Variants in FBXL17 observed in about 807,000 individuals in gnomAD.
FBXL17 encodes F-box and leucine rich repeat protein 17.
In FBXL17, 22 loss-of-function variants were observed where a neutral mutation model predicts 66.2. The observed-to-expected ratio is 0.33, with a 90% confidence interval of 0.24 to 0.47. FBXL17 has a LOEUF of 0.47. Ranked by LOEUF, FBXL17 falls within the 20% of genes least tolerant of loss-of-function variation. The probability of loss-of-function intolerance (pLI) is 1.00; values close to 1 mark genes in which losing one functional copy is unlikely to be tolerated. For synonymous variants in FBXL17, 474 were observed against 400.5 expected (o/e 1.18, Z -2.19); for missense variants, 878 against 948.2 (o/e 0.93, Z 0.97).
chr5:108,143,491 G>C (rs1190848877), intron 6 of FBXL17, among the ~76,000 whole-genome samples: 2 of 151,960 alleles, frequency 1.3e-5, no homozygotes, highest in Admixed American at 6.6e-5. Context: ...CAGATGTTTG[G>C]TCACAATGGA....
intron 6 of FBXL17, among the ~76,000 whole-genome samples, chr5:108,115,236 T>C (rs1750196682): frequency 6.6e-6 from 1 of 151,940 alleles, no homozygotes; most frequent in Admixed American, 6.6e-5. Flanking sequence ...ATGTTCAAAC[T>C]AGGAGGAAAA....
At position 108,078,050 on chromosome 5, in the gene FBXL17, A is replaced by G. The variant is rs571979111; in HGVS notation, c.1746-57049T>C. Among the ~76,000 whole-genome samples the G allele has an allele frequency of 2.6e-5, 4 of 152,318 alleles. 1 individual carries two copies. The highest frequency in any genetic ancestry group is 7.2e-5 in the African/African-American group (3 of 41,570). On this transcript the variant is annotated intron_variant, in intron 6 of 8. Transcript: ENST00000542267. ...AAAATACCTCAGAGGCGCTAGAAAA[A>G]CTAGTCTATAGACTACTCCAGACAT... is the stretch of plus-strand genomic sequence containing the variant.
At chr5:108,343,233 C>A (rs943461858) in intron 4 of FBXL17, among the ~76,000 whole-genome samples, 1 of 152,140 alleles carries the variant, frequency 6.6e-6, no homozygotes, top group Non-Finnish European at 1.5e-5. Context: ...TGGACAAAGA[C>A]AACAATAAGA....
intron 7 of FBXL17, among the ~76,000 whole-genome samples, chr5:107,895,248 C>T (rs1749336834): frequency 6.6e-6 from 1 of 151,840 alleles, no homozygotes; most frequent in Non-Finnish European, 1.5e-5. Context: ...TCCCTAAGTT[C>T]TTGTATGCTT....
chr5:107,859,178 CAT>C lies in FBXL17; in HGVS notation c.*2540_*2541del, dbSNP rs1426118102. The C allele has an allele frequency of 1.3e-5, 2 of 152,130 alleles. No individual in the cohort carries two copies. Among genetic ancestry groups the C allele is most frequent in the African/African-American group, 2.4e-5 (1 of 41,436 alleles). 9.4% of individuals were successfully genotyped at this position (152,130 alleles called of 1,614,324 possible). ...AATTTTCCACTACAGCAATATATTT[CAT>C]AGTCTTTATTCTGAAAATACTGTTG... is the stretch of plus-strand genomic sequence containing the variant. On this transcript the variant is annotated 3_prime_UTR_variant, in exon 9 of 9. Coordinates refer to ENST00000542267, the MANE Select transcript of FBXL17 (RefSeq NM_001163315.3).
intron 6 of FBXL17, among the ~76,000 whole-genome samples, chr5:108,118,521 A>C (rs770539186): frequency 6.6e-6 from 1 of 151,810 alleles, no homozygotes; most frequent in Non-Finnish European, 1.5e-5. Context: ...TTTCCTTTCC[A>C]TTTTGGTTTT....
chr5:108,014,708 G>T (rs541095146), intron 7 of FBXL17, among the ~76,000 whole-genome samples: 1 of 152,292 alleles, frequency 6.6e-6, no homozygotes, highest in South Asian at 2.1e-4. Flanking sequence ...CAAATTTTGG[G>T]TGAAAAATCA....
chr5:108,272,096 C>T (rs1291721232), intron 4 of FBXL17, among the ~76,000 whole-genome samples: 1 of 152,064 alleles, frequency 6.6e-6, no homozygotes, highest in Non-Finnish European at 1.5e-5. Flanking sequence ...CGAGACCATC[C>T]TGGCTAACAC....
intron 4 of FBXL17, among the ~76,000 whole-genome samples, chr5:108,309,044 G>A (rs943524401): frequency 6.6e-6 from 1 of 151,916 alleles, no homozygotes; most frequent in Non-Finnish European, 1.5e-5. Context: ...AGGCAATAGA[G>A]AATTATTACA....
At chr5:107,899,869 G>A (rs1217556193) in intron 7 of FBXL17, among the ~76,000 whole-genome samples, 2 of 152,108 alleles carry the variant, frequency 1.3e-5, no homozygotes, top group Non-Finnish European at 2.9e-5. Flanking sequence ...CTATTCAGGT[G>A]ATGGGTACAC....
intron 6 of FBXL17, among the ~76,000 whole-genome samples, chr5:108,154,379 A>T (rs1440239850): frequency 6.6e-6 from 1 of 150,472 alleles, no homozygotes; most frequent in Non-Finnish European, 1.5e-5. Flanking sequence ...GGATCACCTG[A>T]GGTCAGGAGT....
At chr5:108,222,665 A>G (rs1754917007) in intron 5 of FBXL17, among the ~76,000 whole-genome samples, 1 of 139,560 alleles carries the variant, frequency 7.2e-6, no homozygotes, top group Admixed American at 7.6e-5. Flanking sequence ...TTTAGATACT[A>G]TGGCATCTTT....
chr5:108,269,422 G>A (rs1008851554), intron 4 of FBXL17, among the ~76,000 whole-genome samples: 1 of 151,992 alleles, frequency 6.6e-6, no homozygotes. Flanking sequence ...GGTAACCCAA[G>A]AAAGGTATAA....
intron 7 of FBXL17, among the ~76,000 whole-genome samples, chr5:107,999,578 C>A (rs1387722498): frequency 6.6e-6 from 1 of 151,426 alleles, no homozygotes; most frequent in Non-Finnish European, 1.5e-5. Flanking sequence ...CCACTTTCAA[C>A]TCATTTAGCT....
At chr5:108,213,931 T>A (rs2150064350) in intron 5 of FBXL17, among the ~76,000 whole-genome samples, 1 of 152,324 alleles carries the variant, frequency 6.6e-6, no homozygotes, top group East Asian at 1.9e-4. Context: ...ATATACAGTT[T>A]TCAATTATTT....
chr5:108,147,315 C>T (rs920822305), intron 6 of FBXL17, among the ~76,000 whole-genome samples: 1 of 152,210 alleles, frequency 6.6e-6, no homozygotes, highest in Non-Finnish European at 1.5e-5. Flanking sequence ...TCTCTCCCCA[C>T]TCTTACAGTC....
At chr5:108,319,061 G>A (rs1028360481) in intron 4 of FBXL17, among the ~76,000 whole-genome samples, 12 of 151,824 alleles carry the variant, frequency 7.9e-5, no homozygotes, top group African/African-American at 2.9e-4. Context: ...GAGGACACAC[G>A]GCACTGCCTT....
chr5:107,959,175 C>T (rs1238134277), intron 7 of FBXL17, among the ~76,000 whole-genome samples: 4 of 151,984 alleles, frequency 2.6e-5, no homozygotes, highest in Admixed American at 2.6e-4. Context: ...CAGGGCTGGC[C>T]ATTAACCTTA....
intron 6 of FBXL17, among the ~76,000 whole-genome samples, chr5:108,182,423 CAAT>C (rs1753041754): frequency 6.6e-6 from 1 of 151,960 alleles, no homozygotes; most frequent in Non-Finnish European, 1.5e-5. Context: ...ATGGCAAGAA[CAAT>C]GAGATGAGTA....
Sources: gnomAD v4.1 joint callset for allele counts (sites outside exome capture counted in the v4.1 genomes callset) on GRCh38, gnomAD v4.1.1 for gene constraint, MANE v1.5 for transcripts, NCBI Gene and HGNC (gene_info 2026-07-23, HGNC 2026-07-21) for gene names.